Variants in TNKS2 observed in about 807,000 individuals in gnomAD.
TNKS2 encodes poly [ADP-ribose] polymerase tankyrase-2.
In TNKS2, 72 loss-of-function variants were observed where a neutral mutation model predicts 137.6. The ratio of observed to expected loss-of-function variants is 0.52; its 90% CI spans 0.43 to 0.64. TNKS2 has a LOEUF of 0.64. Ranked by LOEUF, TNKS2 falls within the 30% of genes least tolerant of loss-of-function variation. The pLI is 0.00. For missense variants in TNKS2, 1,049 were observed against 1,410.2 expected (o/e 0.74, Z 4.10); for synonymous variants, 516 against 512.1 (o/e 1.01, Z -0.10).
chr10:91,816,489 C>T (rs1589653485), intron 2 of TNKS2, among the ~76,000 whole-genome samples: 1 of 152,256 alleles, frequency 6.6e-6, no homozygotes, highest in Non-Finnish European at 1.5e-5. Flanking sequence ...ACTCCTTAGA[C>T]TCTTTACCTT....
At chr10:91,833,509 G>T in intron 11 of TNKS2, among the ~76,000 whole-genome samples, 1 of 151,494 alleles carries the variant, frequency 6.6e-6, no homozygotes, top group East Asian at 1.9e-4. Flanking sequence ...TCTATCTCGG[G>T]GTTAAGCTTT....
chr10:91,857,532 T>G lies in TNKS2; in HGVS notation c.3094+2T>G. 2 of 1,603,522 alleles carry G rather than the reference T, an allele frequency of 1.2e-6. No individual in the cohort carries two copies. Among genetic ancestry groups the G allele is most frequent in the Non-Finnish European group, 1.7e-6 (2 of 1,172,038 alleles). On this transcript the variant is annotated splice_donor_variant, in intron 24 of 26. Transcript: ENST00000371627. LOFTEE classifies it high-confidence loss of function. ...CCAATGAACGAATGCTATTTCATGG[T>G]AAGATTCCTCCCCACCAACTCTACC...
At chr10:91,821,926 G>A (rs951019412) in intron 6 of TNKS2, among the ~76,000 whole-genome samples, 1 of 152,198 alleles carries the variant, frequency 6.6e-6, no homozygotes, top group African/African-American at 2.4e-5. Context: ...AGAGTTAATG[G>A]TGAAACTTAC....
intron 21 of TNKS2, among the ~76,000 whole-genome samples, chr10:91,854,603 T>C (rs1842646401): frequency 6.6e-6 from 1 of 152,126 alleles, no homozygotes; most frequent in African/African-American, 2.4e-5. Context: ...ATGAAATGTT[T>C]TTAAAATTGA....
intron 3 of TNKS2, 26 bp from the exon 4 acceptor site, chr10:91,819,244 T>TA: frequency 8.3e-7 from 1 of 1,202,254 alleles, no homozygotes; most frequent in South Asian, 1.7e-5. Context: ...TTAATTTCTA[T>TA]ACTTTTTTTT....
Position 91,840,659 on chromosome 10 carries a change from G to A in TNKS2, c.1626G>A (p.Val542=), listed in dbSNP as rs1335416329. The change falls in exon 14 of 27, where the codon GTG becomes GTA. Residue 542 remains valine, a synonymous_variant. Transcript: ENST00000371627. ...FAAGYNRVSV[V]EYLLQHGADV... is the part of the protein sequence containing the mutation. ...CTGGGTATAACAGAGTGTCCGTGGT[G>A]GAATATCTGCTACAGCATGGAGCTG... The A allele has an allele frequency of 6.2e-7, 1 of 1,613,966 alleles. No homozygotes were observed. The highest frequency in any genetic ancestry group is 8.5e-7 in the Non-Finnish European group (1 of 1,180,016).
At chr10:91,834,125 G>T (rs1841918322) in intron 12 of TNKS2, 101 bp downstream of exon 12, 2 of 973,382 alleles carry the variant, frequency 2.1e-6, no homozygotes, top group African/African-American at 1.7e-5. Context: ...GAAAAATTGA[G>T]AATTTTTGTT....
intron 1 of TNKS2, among the ~76,000 whole-genome samples, chr10:91,801,110 GT>G (rs1220892767): frequency 6.6e-6 from 1 of 152,174 alleles, no homozygotes; most frequent in Non-Finnish European, 1.5e-5. Context: ...GCATGTTTTT[GT>G]CTTTTTGTTT....
At chr10:91,799,498 G>C (rs986809681) in intron 1 of TNKS2, among the ~76,000 whole-genome samples, 2 of 152,142 alleles carry the variant, frequency 1.3e-5, no homozygotes, top group African/African-American at 4.8e-5. Flanking sequence ...GGAAGCCTTA[G>C]ACACACACAC....
chr10:91,817,163 A>C lies in TNKS2; in HGVS notation c.454A>C (p.Ile152Leu), dbSNP rs571887904. Residue 152 changes from isoleucine (I) to leucine (L), a missense_variant, in exon 3 of 27, where the codon ATC becomes CTC. By Grantham distance (5) the Ile-to-Leu change is conservative (BLOSUM62 2). Transcript: ENST00000371627. ...VLLQHGAEPT[I>L]RNTDGRTALD... Reference sequence around the variant, plus strand: ...GTTACAGCATGGAGCTGAGCCAACCATCCGAAATACAGATGGAAGGACAGC... The same window carrying C: ...GTTACAGCATGGAGCTGAGCCAACCCTCCGAAATACAGATGGAAGGACAGC... 1.9e-6 allele frequency: 3 copies of C among 1,613,864 alleles called. 1 individual carries two copies. In the South Asian group the frequency reaches 3.3e-5, roughly 18 times the overall value.
At chr10:91,854,914 A>AAAG in intron 21 of TNKS2, 115 bp from the exon 22 acceptor site, 1 of 495,202 alleles carries the variant, frequency 2.0e-6, no homozygotes, top group Non-Finnish European at 3.5e-6. Flanking sequence ...AAAAAAAAAA[A>AAAG]GTTTAAAAAA....
chr10:91,798,826 C>G lies in TNKS2; in HGVS notation c.136C>G (p.Pro46Ala). 1 of 1,353,334 alleles carries G rather than the reference C, an allele frequency of 7.4e-7. No individual in the cohort carries two copies. The highest frequency in any genetic ancestry group is 1.9e-5 in the South Asian group (1 of 53,216). The allele number at this position is 1,353,334 out of a possible 1,614,324, so 83.8% of individuals were successfully genotyped here. Residue 46 changes from proline (P) to alanine (A), a missense_variant, in exon 1 of 27, where the codon CCT (proline) becomes GCT (alanine). Pro to Ala is a conservative substitution (Grantham distance 27). Around this residue, in one of 6 missense-constraint regions of TNKS2, gnomAD observed 374 missense variants for 460.8 expected, o/e 0.81. Transcript: ENST00000371627. ...GGAACGAGTCAAGAGGCTGGTGACG[C>G]CTGAGAAGGTGAACAGCCGCGACAC... is the stretch of plus-strand genomic sequence containing the variant. ...DVERVKRLVT[P>A]EKVNSRDTAG...
chr10:91,800,709 T>C (rs1376962302), intron 1 of TNKS2, among the ~76,000 whole-genome samples: 1 of 152,242 alleles, frequency 6.6e-6, no homozygotes, highest in Non-Finnish European at 1.5e-5. Flanking sequence ...ATAAAAATTA[T>C]GAAGTGGGGG....
At chr10:91,846,504 G>C (rs1358562582) in intron 18 of TNKS2, among the ~76,000 whole-genome samples, 2 of 152,132 alleles carry the variant, frequency 1.3e-5, no homozygotes, top group African/African-American at 4.8e-5. Context: ...GCAGGTGTAG[G>C]AGCTTCCACT....
intron 1 of TNKS2, among the ~76,000 whole-genome samples, chr10:91,812,553 A>T (rs537559791): frequency 1.3e-5 from 2 of 152,274 alleles, no homozygotes; most frequent in Admixed American, 1.3e-4. Flanking sequence ...TGTGAGATAG[A>T]TGTGGGAAAG....
rs1037285228 is a variant in TNKS2, at chr10:91,822,276, T to C, written c.729-20T>C. 49 of 1,593,698 alleles carry C rather than the reference T, an allele frequency of 3.1e-5. No individual in the cohort carries two copies. Among genetic ancestry groups the C allele is most frequent in the Admixed American group, 6.8e-5 (4 of 59,040 alleles). On this transcript the variant is annotated intron_variant, in intron 6 of 26. Coordinates refer to ENST00000371627, the MANE Select transcript of TNKS2 (RefSeq NM_025235.4). ...AGAAATCTATACTGAAACAGGATTTTCCCCCCCTTCTCATTGTAGTGATCT... is the reference window on the plus strand; with the variant it reads ...AGAAATCTATACTGAAACAGGATTTCCCCCCCCTTCTCATTGTAGTGATCT...
At chr10:91,836,891 C>A in intron 12 of TNKS2, 28 bp from the exon 13 acceptor site, 2 of 1,599,126 alleles carry the variant, frequency 1.3e-6, no homozygotes, top group South Asian at 2.3e-5. Flanking sequence ...AGAGGTTAGT[C>A]ACTCTTCTCT....
Position 91,859,480 on chromosome 10 carries a change from C to G in TNKS2, c.3113C>G (p.Ala1038Gly). The change falls in exon 25 of 27, where the codon GCA (alanine) becomes GGA (glycine). Residue 1038 changes from alanine (A) to glycine (G), a missense_variant. By Grantham distance (60) the Ala-to-Gly change is moderately conservative. This residue lies in a region of TNKS2 where 133 missense variants were observed against 248.4 expected (regional missense o/e 0.54). Transcript: ENST00000371627. Reference sequence around the variant, plus strand: ...GTTTCAGGGTCTCCTTTTGTGAATGCAATTATCCACAAAGGCTTTGATGAA... The same window carrying G: ...GTTTCAGGGTCTCCTTTTGTGAATGGAATTATCCACAAAGGCTTTGATGAA... Reference protein sequence around the residue: ...MLFHGSPFVNAIIHKGFDERH... With the variant: ...MLFHGSPFVNGIIHKGFDERH... The G allele has an allele frequency of 3.1e-6, 5 of 1,605,086 alleles. No individual in the cohort carries two copies. The highest frequency in any genetic ancestry group is 4.3e-6 in the Non-Finnish European group (5 of 1,176,308).
chr10:91,855,150 T>C, intron 22 of TNKS2, 24 bp downstream of exon 22: 1 of 1,398,428 alleles, frequency 7.2e-7, no homozygotes, highest in Non-Finnish European at 1.0e-6. Context: ...ACTTCAATAG[T>C]AGGTTTGCCG....
Sources: gnomAD v4.1 joint callset for allele counts (sites outside exome capture counted in the v4.1 genomes callset) on GRCh38, gnomAD v4.1.1 for gene constraint, gnomAD v4.1.1 regional missense constraint, MANE v1.5 for transcripts, NCBI Gene and HGNC (gene_info 2026-07-23, HGNC 2026-07-21) for gene names.